Variants in DSCAML1 observed in about 807,000 individuals in gnomAD.
DSCAML1 encodes the protein cell adhesion molecule DSCAML1.
In DSCAML1, 38 loss-of-function variants were observed where a neutral mutation model predicts 200.5. That is an observed-to-expected ratio of 0.19 (90% CI 0.15 to 0.25). DSCAML1 has a LOEUF of 0.25. DSCAML1 is among the 10% of genes least tolerant of loss of function. The pLI, the probability that DSCAML1 is intolerant of heterozygous loss-of-function variation, is 1.00. For synonymous variants in DSCAML1, 1,215 were observed against 1,165.0 expected, an observed-to-expected ratio of 1.04 and a Z score of -0.87; for missense variants, 2,223 against 2,858.8, an observed-to-expected ratio of 0.78 and a Z score of 5.07.
intron 3 of DSCAML1, among the ~76,000 whole-genome samples, chr11:117,758,617 T>C (rs1286272010): frequency 6.6e-6 from 1 of 152,062 alleles, no homozygotes; most frequent in African/African-American, 2.4e-5. Context: ...TTAGCCAGGA[T>C]GGTCTCGATC....
chr11:117,584,312 C>T (rs945470011), intron 3 of DSCAML1, among the ~76,000 whole-genome samples: 3 of 152,112 alleles, frequency 2.0e-5, no homozygotes, highest in Non-Finnish European at 4.4e-5. Context: ...CTGCCTCCAC[C>T]CAGCCCCACC....
At chr11:117,708,844 G>A (rs866906098) in intron 3 of DSCAML1, among the ~76,000 whole-genome samples, 5 of 152,152 alleles carry the variant, frequency 3.3e-5, no homozygotes, top group East Asian at 1.9e-4. Flanking sequence ...AGTACAAAGT[G>A]GGGGGTGGGA....
At chr11:117,550,787 T>C (rs369109860) in intron 3 of DSCAML1, among the ~76,000 whole-genome samples, 8 of 152,294 alleles carry the variant, frequency 5.3e-5, no homozygotes, top group African/African-American at 1.9e-4. Flanking sequence ...GCACAATCGA[T>C]CACAAAACTG....
At chr11:117,567,350 T>C (rs1437816115) in intron 3 of DSCAML1, among the ~76,000 whole-genome samples, 2 of 152,146 alleles carry the variant, frequency 1.3e-5, no homozygotes, top group Admixed American at 1.3e-4. Context: ...CATTTTTTCA[T>C]GTGTTTTTTG....
chr11:117,595,741 A>G (rs1646500514), intron 3 of DSCAML1, among the ~76,000 whole-genome samples: 1 of 151,682 alleles, frequency 6.6e-6, no homozygotes, highest in East Asian at 1.9e-4. Flanking sequence ...TGTGTGGGTC[A>G]CCCTGAGTTG....
In DSCAML1 at chr11:117,428,610, G is replaced by T. The variant is rs1256672520; in HGVS notation, c.5880C>A (p.Ala1960=). Residue 1960 remains alanine (A), a synonymous_variant, in exon 33 of 33, where the codon GCC becomes GCA. Transcript: ENST00000651296. ...AGGTGGCTGTGGAGGCGGCAGCGGGGGCCCCTGGGTGGGGAAGGCCCAAGG... is the reference window on the plus strand; with the variant it reads ...AGGTGGCTGTGGAGGCGGCAGCGGGTGCCCCTGGGTGGGGAAGGCCCAAGG... ...SKSLGLPHPG[A]PAAASTATLP... The T allele has an allele frequency of 4.4e-6, 7 of 1,606,802 alleles. No homozygotes were observed. Among genetic ancestry groups the T allele is most frequent in the Non-Finnish European group, 5.9e-6 (7 of 1,177,126 alleles).
intron 1 of DSCAML1, among the ~76,000 whole-genome samples, chr11:117,796,531 G>T (rs980752386): frequency 1.3e-5 from 2 of 152,252 alleles, no homozygotes; most frequent in African/African-American, 4.8e-5. Context: ...GCGCCATGCG[G>T]TGCGCCAACA....
chr11:117,556,623 G>C (rs928784747), intron 3 of DSCAML1, among the ~76,000 whole-genome samples: 2 of 152,182 alleles, frequency 1.3e-5, no homozygotes, highest in Non-Finnish European at 2.9e-5. Context: ...CCCTACGTGA[G>C]ATACCACCTG....
At chr11:117,656,604 C>A (rs2052742078) in intron 3 of DSCAML1, among the ~76,000 whole-genome samples, 1 of 151,898 alleles carries the variant, frequency 6.6e-6, no homozygotes, top group African/African-American at 2.4e-5. Flanking sequence ...GTAGACATTA[C>A]TACAATTTTC....
chr11:117,469,988 G>T lies in DSCAML1; in HGVS notation c.2954-8C>A, dbSNP rs1326284981. ...TGGGGGGCCCATCGGGAGCTGAGCA[G>T]GGTAGCGGGGAGGAGAAACATTACA... On this transcript the variant is annotated splice_region_variant and splice_polypyrimidine_tract_variant and intron_variant, in intron 15 of 32. Transcript: ENST00000651296. This position sits in a 1 kb window ranked among gnomAD's most constrained non-coding sequence, Gnocchi z 4.1. 2 of 1,590,756 alleles carry T rather than the reference G, an allele frequency of 1.3e-6. No individual in the cohort carries two copies. The highest frequency in any genetic ancestry group is 1.7e-6 in the Non-Finnish European group (2 of 1,165,454).
At chr11:117,532,312 C>T in intron 4 of DSCAML1, 64 bp downstream of exon 4, 1 of 1,544,060 alleles carries the variant, frequency 6.5e-7, no homozygotes, top group Non-Finnish European at 8.8e-7. Context: ...GTGCCAAGTT[C>T]CAGGGATGGC....
chr11:117,802,537 G>GCCATGCCTT (rs2055671359), intron 1 of DSCAML1, among the ~76,000 whole-genome samples: 1 of 152,170 alleles, frequency 6.6e-6, no homozygotes, highest in South Asian at 2.1e-4. Flanking sequence ...AGCCTCACGT[G>GCCATGCCTT]CCATGCCTTC....
chr11:117,528,256 A>T (rs895092733), intron 4 of DSCAML1, among the ~76,000 whole-genome samples: 14 of 151,766 alleles, frequency 9.2e-5, no homozygotes, highest in African/African-American at 3.1e-4. Context: ...TGCAAAATAC[A>T]CAAATTCCGT....
chr11:117,699,412 C>T (rs1004226902), intron 3 of DSCAML1, among the ~76,000 whole-genome samples: 2 of 152,138 alleles, frequency 1.3e-5, no homozygotes, highest in Admixed American at 1.3e-4. Flanking sequence ...TTGGGCTTAA[C>T]GATGTCACCC....
At chr11:117,600,677 G>T (rs1342871524) in intron 3 of DSCAML1, among the ~76,000 whole-genome samples, 1 of 152,232 alleles carries the variant, frequency 6.6e-6, no homozygotes, top group Non-Finnish European at 1.5e-5. Flanking sequence ...TTGCATGCAA[G>T]TCCTCACTAG....
In DSCAML1 at chr11:117,430,755, C is replaced by T. The variant is rs766925132; in HGVS notation, c.5653G>A (p.Val1885Met). The change falls in exon 32 of 33, where the codon GTG becomes ATG. Residue 1885 changes from valine to methionine, a missense_variant. Coordinates refer to ENST00000651296, the MANE Select transcript of DSCAML1 (RefSeq NM_020693.4). Reference protein sequence around the residue: ...KPQDADRGKNVAVPIPHRANK... With the variant: ...KPQDADRGKNMAVPIPHRANK... The stretch of plus-strand genomic sequence containing the variant: ...GCCCGGTGAGGGATGGGCACAGCCA[C>T]GTTTTTGCCCCGGTCCGCATCCTGG... The T allele has an allele frequency of 2.0e-5, 33 of 1,613,698 alleles. No homozygotes were observed. The highest frequency in any genetic ancestry group is 2.5e-5 in the Non-Finnish European group (29 of 1,179,924).
At chr11:117,579,288 C>G (rs2051002886) in intron 3 of DSCAML1, among the ~76,000 whole-genome samples, 1 of 152,250 alleles carries the variant, frequency 6.6e-6, no homozygotes, top group Non-Finnish European at 1.5e-5. Context: ...AATTCAAACT[C>G]TTTACGGTGA....
chr11:117,456,671 C>CTTTTT (rs10661996), intron 19 of DSCAML1, among the ~76,000 whole-genome samples: 10 of 142,136 alleles, frequency 7.0e-5, no homozygotes, highest in Non-Finnish European at 6.0e-5. Context: ...GCAGTCATTT[C>CTTTTT]TTTTTTTTTT....
chr11:117,470,090 A>C, intron 15 of DSCAML1, 110 bp from the exon 16 acceptor site: 1 of 1,014,120 alleles, frequency 9.9e-7, no homozygotes, highest in Admixed American at 2.7e-5. Flanking sequence ...TGGGGAGAAG[A>C]CTAAGCTCAG....
Sources: allele counts gnomAD v4.1 joint callset (sites outside exome capture counted in the v4.1 genomes callset), GRCh38; gene constraint gnomAD v4.1.1; non-coding constraint Gnocchi (gnomAD v3.1); transcripts MANE v1.5; gene names NCBI Gene and HGNC (gene_info 2026-07-23, HGNC 2026-07-21).